The following KLHL29 variants were observed in gnomAD, a reference collection of about 807,000 sequenced individuals.
KLHL29 encodes kelch like family member 29.
Under a neutral mutation model 80.4 loss-of-function variants are expected in KLHL29, and 21 were observed. That is an observed-to-expected ratio of 0.26 (90% CI 0.19 to 0.38). KLHL29 has a LOEUF of 0.38. Ranked by LOEUF, KLHL29 falls within the 10% of genes least tolerant of loss-of-function variation. The pLI is 1.00. For synonymous variants in KLHL29, 511 were observed against 526.8 expected (o/e 0.97, Z 0.41); for missense variants, 867 against 1,223.9 (o/e 0.71, Z 4.35).
At chr2:23,592,874 C>T (rs1668303246) in intron 3 of KLHL29, among the ~76,000 whole-genome samples, 1 of 152,172 alleles carries the variant, frequency 6.6e-6, no homozygotes, top group Admixed American at 6.5e-5. Flanking sequence ...CACGTTGGTC[C>T]AGGAACTTTA....
rs1285592638 is a variant in KLHL29 at position 23,691,823 on chromosome 2, C to T, written c.1229C>T (p.Ala410Val). The T allele has an allele frequency of 9.0e-6, 14 of 1,551,432 alleles. No homozygotes were observed. The highest frequency in any genetic ancestry group is 2.0e-5 in the Admixed American group (1 of 50,974). The change falls in exon 7 of 14, where the codon GCG (alanine) becomes GTG (valine). Residue 410 changes from alanine (A) to valine (V), a missense_variant. By Grantham distance (64) the Ala-to-Val change is moderately conservative. This residue lies in a region of KLHL29 where 443 missense variants were observed against 767.0 expected (regional missense o/e 0.58). Transcript: ENST00000486442. The part of the protein sequence containing the change: ...DSANAKTLLE[A>V]ASKFQFHTFC... Reference sequence around the variant, plus strand: ...GCCAACGCCAAGACACTGCTGGAGGCGGCCAGCAAGTTCCAGTTCCACACC... The same window carrying T: ...GCCAACGCCAAGACACTGCTGGAGGTGGCCAGCAAGTTCCAGTTCCACACC...
rs560727931 is a variant in KLHL29 at position 23,481,912 on chromosome 2, AAAAG to A, written c.-46+6248_-46+6251del. ...AATCTGGGTGACAGGTTAAAAAAAA[AAAAG>A]AAGAAGAGGCTGGTTTGGTTCACAG... On this transcript the variant is annotated intron_variant, in intron 2 of 13. Transcript: ENST00000486442. Among the ~76,000 whole-genome samples the A allele has an allele frequency of 1.2e-3, 177 of 152,116 alleles. 1 individual carries two copies. Among genetic ancestry groups the A allele is most frequent in the East Asian group, 6.8e-3 (35 of 5,174 alleles).
chr2:23,595,864 T>C (rs1213971121), intron 3 of KLHL29, among the ~76,000 whole-genome samples: 1 of 151,984 alleles, frequency 6.6e-6, no homozygotes, highest in Non-Finnish European at 1.5e-5. Flanking sequence ...AATTGTGAGC[T>C]CCCCACGCAA....
In KLHL29 at chr2:23,676,436, C is replaced by T. The variant is rs553909222; in HGVS notation, c.941-7963C>T. ...TGACCTCGTGATCTGCCCGCCTCAGCCTCCCAAAGTGCTGGGATTACAGGA... is the reference window on the plus strand; with the variant it reads ...TGACCTCGTGATCTGCCCGCCTCAGTCTCCCAAAGTGCTGGGATTACAGGA... On this transcript the variant is annotated intron_variant, in intron 5 of 13. Coordinates refer to ENST00000486442, the MANE Select transcript of KLHL29 (RefSeq NM_052920.2). 2.4e-4 allele frequency among the ~76,000 whole-genome samples: 37 copies of T among 152,330 alleles called. 1 individual carries two copies. The highest frequency in any genetic ancestry group is 4.4e-4 in the Non-Finnish European group (30 of 68,038).
chr2:23,615,276 ACCT>A (rs1668975648), intron 3 of KLHL29, among the ~76,000 whole-genome samples: 1 of 151,864 alleles, frequency 6.6e-6, no homozygotes, highest in Non-Finnish European at 1.5e-5. Context: ...TGTAAATGCA[ACCT>A]CCTCCTAGAG....
At chr2:23,439,623 G>T (rs570950902) in intron 1 of KLHL29, among the ~76,000 whole-genome samples, 3 of 152,194 alleles carry the variant, frequency 2.0e-5, no homozygotes, top group Admixed American at 6.5e-5. Context: ...GAGCAGTCTC[G>T]AGTGAGTTTC....
intron 8 of KLHL29, among the ~76,000 whole-genome samples, chr2:23,694,203 C>T (rs1671800701): frequency 6.6e-6 from 1 of 152,260 alleles, no homozygotes; most frequent in Non-Finnish European, 1.5e-5. Flanking sequence ...GTCTAATTCA[C>T]CAAGCCGAAA....
intron 3 of KLHL29, among the ~76,000 whole-genome samples, chr2:23,574,966 C>A (rs1204292595): frequency 6.6e-6 from 1 of 152,114 alleles, no homozygotes. Context: ...GGGAGGGTGG[C>A]CCAGCCCCCA....
In KLHL29 at chr2:23,696,221, C is replaced by T. The variant is rs1342349964; in HGVS notation, c.1924+88C>T. 1 of 1,491,366 alleles carries T rather than the reference C, an allele frequency of 6.7e-7. No homozygotes were observed. Among genetic ancestry groups the T allele is most frequent in the Non-Finnish European group, 9.1e-7 (1 of 1,102,342 alleles). 92.4% of individuals were successfully genotyped at this position (1,491,366 alleles called of 1,614,324 possible). On this transcript the variant is annotated intron_variant, in intron 10 of 13. Transcript: ENST00000486442. This position sits in a 1 kb window ranked among gnomAD's most constrained non-coding sequence, Gnocchi z 5.5. ...GTCAGGGCTGAGGAAGGCCATGGCC[C>T]AGAAGTGTCTACTTTGCAGGTGAAG... is the stretch of plus-strand genomic sequence containing the variant.
At chr2:23,678,029 T>C (rs986781677) in intron 5 of KLHL29, among the ~76,000 whole-genome samples, 1 of 152,220 alleles carries the variant, frequency 6.6e-6, no homozygotes, top group African/African-American at 2.4e-5. Flanking sequence ...TTCTTTGCCT[T>C]TTAATATTTG....
intron 5 of KLHL29, among the ~76,000 whole-genome samples, chr2:23,670,696 G>A (rs941352984): frequency 6.6e-6 from 1 of 152,024 alleles, no homozygotes; most frequent in African/African-American, 2.4e-5. Context: ...TTAAAAGATC[G>A]TTAGAAATAT....
At chr2:23,459,994 G>A (rs928415970) in intron 1 of KLHL29, among the ~76,000 whole-genome samples, 2 of 152,160 alleles carry the variant, frequency 1.3e-5, no homozygotes, top group African/African-American at 2.4e-5. Flanking sequence ...AGGAGAAGCT[G>A]GAAGGGTATC....
chr2:23,704,532 C>A (rs146973472), intron 13 of KLHL29, among the ~76,000 whole-genome samples: 1 of 152,030 alleles, frequency 6.6e-6, no homozygotes, highest in Non-Finnish European at 1.5e-5. Flanking sequence ...TTTGGGAGGC[C>A]GAGGCGGATG....
intron 1 of KLHL29, among the ~76,000 whole-genome samples, chr2:23,405,174 C>A (rs1433809092): frequency 3.3e-5 from 5 of 152,164 alleles, no homozygotes; most frequent in Non-Finnish European, 7.3e-5. Flanking sequence ...TCATGCATAA[C>A]AAATATTCTA....
Position 23,693,331 on chromosome 2 carries a change from A to G in KLHL29, c.1345A>G (p.Ser449Gly). The change falls in exon 8 of 14, where the codon AGC becomes GGC. Residue 449 changes from serine (S) to glycine (G), a missense_variant. Physicochemically the swap from Ser to Gly is moderately conservative, Grantham distance 56 (BLOSUM62 0). Transcript: ENST00000486442. ...VLAMAEAMQC[S>G]ELYHMAKAFA... Reference sequence around the variant, plus strand: ...GGCCATGGCCGAGGCCATGCAGTGCAGCGAGCTCTACCACATGGCCAAGGC... The same window carrying G: ...GGCCATGGCCGAGGCCATGCAGTGCGGCGAGCTCTACCACATGGCCAAGGC... 3 of 1,551,342 alleles carry G rather than the reference A, an allele frequency of 1.9e-6. No individual in the cohort carries two copies. Among genetic ancestry groups the G allele is most frequent in the Non-Finnish European group, 2.6e-6 (3 of 1,146,932 alleles).
chr2:23,489,574 A>G (rs1665036620), intron 2 of KLHL29, among the ~76,000 whole-genome samples: 1 of 152,088 alleles, frequency 6.6e-6, no homozygotes, highest in African/African-American at 2.4e-5. Context: ...AACCTGCGCT[A>G]TTGAATCTGT....
intron 1 of KLHL29, among the ~76,000 whole-genome samples, chr2:23,387,882 A>C (rs746664696): frequency 6.6e-6 from 1 of 152,248 alleles, no homozygotes; most frequent in African/African-American, 2.4e-5. Flanking sequence ...GGGCTGATGC[A>C]TCTAACCAAT....
chr2:23,396,719 G>C (rs1387842039), intron 1 of KLHL29, among the ~76,000 whole-genome samples: 1 of 152,160 alleles, frequency 6.6e-6, no homozygotes, highest in Non-Finnish European at 1.5e-5. Context: ...GACTGCGAAA[G>C]GAACATATTT....
intron 4 of KLHL29, among the ~76,000 whole-genome samples, chr2:23,640,403 CT>C (rs1403335388): frequency 6.6e-6 from 1 of 152,192 alleles, no homozygotes; most frequent in Non-Finnish European, 1.5e-5. Flanking sequence ...GGCACTGTGT[CT>C]CTGTGTCTCT....
Sources: allele counts gnomAD v4.1 joint callset (sites outside exome capture counted in the v4.1 genomes callset), GRCh38; gene constraint gnomAD v4.1.1; regional missense constraint gnomAD v4.1.1; non-coding constraint Gnocchi (gnomAD v3.1); transcripts MANE v1.5; gene names NCBI Gene and HGNC (gene_info 2026-07-23, HGNC 2026-07-21).